Variants in SRC observed in about 807,000 individuals in gnomAD.
SRC encodes proto-oncogene tyrosine-protein kinase Src.
A neutral mutation model predicts 62.9 loss-of-function variants in SRC; 13 were observed. That is an observed-to-expected ratio of 0.21 (90% CI 0.13 to 0.33). SRC has a LOEUF of 0.33. Among genes scored for constraint, SRC ranks in the 10% least tolerant of loss-of-function variants. SRC has a pLI of 1.00. For missense variants in SRC, 457 were observed against 737.3 expected (o/e 0.62, Z 4.40); for synonymous variants, 302 against 317.5 (o/e 0.95, Z 0.52).
intron 1 of SRC, among the ~76,000 whole-genome samples, chr20:37,362,572 G>A (rs1473986039): frequency 6.6e-6 from 1 of 152,114 alleles, no homozygotes; most frequent in African/African-American, 2.4e-5. Flanking sequence ...ACCAAGGCCC[G>A]GCAGCCCCCT....
chr20:37,379,181 C>T lies in SRC; in HGVS notation c.-172-3438C>T, dbSNP rs140401193. 3.7e-4 allele frequency among the ~76,000 whole-genome samples: 56 copies of T among 152,182 alleles called. No homozygotes were observed. The East Asian group carries it at 0.011, about 30-fold the overall frequency. ...CCCCTGTCTGCTGAGGAGTCCAGAG[C>T]CCACGGTGAGGAGTGGCTTCCCGAA... On this transcript the variant is annotated intron_variant, in intron 2 of 13. Coordinates refer to ENST00000373578, the MANE Select transcript of SRC (RefSeq NM_198291.3).
In SRC at chr20:37,382,782, A is replaced by C. The variant is rs1377365995; in HGVS notation, c.-9A>C. ...TCCTCTGGGACAGCCCCTGCCTTCT[A>C]CCAGGTGAGATGATGGCCCTATCAG... On this transcript the variant is annotated 5_prime_UTR_variant, in exon 3 of 14. Coordinates refer to ENST00000373578, the MANE Select transcript of SRC (RefSeq NM_198291.3). 4 of 152,074 alleles carry C rather than the reference A, an allele frequency of 2.6e-5. No homozygotes were observed. Among genetic ancestry groups the C allele is most frequent in the Non-Finnish European group, 4.4e-5 (3 of 68,000 alleles). 9.4% of individuals were successfully genotyped at this position (152,074 alleles called of 1,614,324 possible). A position where few individuals can be genotyped will look rare whatever the true frequency, so the allele number is the denominator to read the frequency against.
In SRC at chr20:37,396,321, C is replaced by A; in HGVS notation, c.703+10C>A. ...GTGGCCTACTACTCCAGTGAGCCAGCCTCGGAGGGCGGAGGGCGGGCGGGC... is the reference window on the plus strand; with the variant it reads ...GTGGCCTACTACTCCAGTGAGCCAGACTCGGAGGGCGGAGGGCGGGCGGGC... On this transcript the variant is annotated intron_variant, in intron 8 of 13. Transcript: ENST00000373578. This position sits in a 1 kb window ranked among gnomAD's most constrained non-coding sequence, Gnocchi z 6.1. 6.2e-7 allele frequency: 1 copy of A among 1,612,636 alleles called. No homozygotes were observed. Among genetic ancestry groups the A allele is most frequent in the Non-Finnish European group, 8.5e-7 (1 of 1,179,828 alleles).
In SRC at chr20:37,398,756, C is replaced by T. The variant is rs1022110552; in HGVS notation, c.859+902C>T. 2.6e-5 allele frequency among the ~76,000 whole-genome samples: 4 copies of T among 152,200 alleles called. No homozygotes were observed. The highest frequency in any genetic ancestry group is 5.9e-5 in the Non-Finnish European group (4 of 68,020). The stretch of plus-strand genomic sequence containing the variant: ...GAGCAACACCTGGGTGAATGCACAG[C>T]GTCAGCCATTATGGTGGCTGCAAAA... On this transcript the variant is annotated intron_variant, in intron 9 of 13. Transcript: ENST00000373578. This position sits in a 1 kb window ranked among gnomAD's most constrained non-coding sequence, Gnocchi z 5.2.
At position 37,396,527 on chromosome 20, in the gene SRC, C is replaced by T. The variant is rs2070654734; in HGVS notation, c.703+216C>T. ...CCCCCAGCCCCCCTCCTCCCTGTCC[C>T]CCTCTCTCCCTGCTCCACGCAGTGT... On this transcript the variant is annotated intron_variant, in intron 8 of 13. Coordinates refer to ENST00000373578, the MANE Select transcript of SRC (RefSeq NM_198291.3). This position sits in a 1 kb window ranked among gnomAD's most constrained non-coding sequence, Gnocchi z 6.1. 1.6e-6 allele frequency: 1 copy of T among 631,690 alleles called. No individual in the cohort carries two copies. Among genetic ancestry groups the T allele is most frequent in the Non-Finnish European group, 2.7e-6 (1 of 368,310 alleles). The allele number at this position is 631,690 out of a possible 1,614,324, so 39.1% of individuals were successfully genotyped here.
chr20:37,403,450 C>T lies in SRC; in HGVS notation c.*71C>T. On this transcript the variant is annotated 3_prime_UTR_variant, in exon 14 of 14. Coordinates refer to ENST00000373578, the MANE Select transcript of SRC (RefSeq NM_198291.3). The surrounding 1 kb of genome is among the most constrained non-coding windows in gnomAD (Gnocchi z 7.1). ...GGTGGCCCCTGTCTCGGGGCTTGCC[C>T]CACTCTGCCTGCCTGCTGTTGGTCC... 6.9e-7 allele frequency: 1 copy of T among 1,456,862 alleles called. No individual in the cohort carries two copies. Among genetic ancestry groups the T allele is most frequent in the African/African-American group, 1.4e-5 (1 of 71,220 alleles). The allele number at this position is 1,456,862 out of a possible 1,614,324, so 90.2% of individuals were successfully genotyped here.
intron 2 of SRC, among the ~76,000 whole-genome samples, chr20:37,380,335 G>A (rs1600991557): frequency 6.6e-6 from 1 of 152,072 alleles, no homozygotes; most frequent in African/African-American, 2.4e-5. Context: ...CAGTGTGGTG[G>A]CCCCTTTTCA....
intron 2 of SRC, among the ~76,000 whole-genome samples, chr20:37,376,320 C>T (rs2070277789): frequency 6.6e-6 from 1 of 152,178 alleles, no homozygotes; most frequent in Non-Finnish European, 1.5e-5. Context: ...ATAATAATAG[C>T]CAATTAGATA....
intron 1 of SRC, among the ~76,000 whole-genome samples, chr20:37,363,909 G>A (rs1462833113): frequency 2.6e-5 from 4 of 152,054 alleles, no homozygotes; most frequent in Non-Finnish European, 5.9e-5. Context: ...TGTGATGAGC[G>A]TGGTGCATGG....
intron 2 of SRC, among the ~76,000 whole-genome samples, chr20:37,369,269 ATCT>A (rs2070125044): frequency 6.6e-6 from 1 of 152,202 alleles, no homozygotes; most frequent in East Asian, 1.9e-4. Flanking sequence ...GAGTATTGCC[ATCT>A]TAATAATATT....
intron 2 of SRC, among the ~76,000 whole-genome samples, chr20:37,376,489 C>T (rs190561088): frequency 3.0e-4 from 46 of 152,264 alleles, no homozygotes; most frequent in African/African-American, 1.0e-3. Context: ...ATTCTGGCCC[C>T]GGGCCACCTG....
At position 37,395,753 on chromosome 20, in the gene SRC, G is replaced by T. The variant is rs75187867; in HGVS notation, c.554-409G>T. ...CACAGCCACAGGGAGCCACTCACAG[G>T]CTCCCAGCAGTTATTGAGTGCCCAG... On this transcript the variant is annotated intron_variant, in intron 7 of 13. Transcript: ENST00000373578. Among the ~76,000 whole-genome samples the T allele has an allele frequency of 7.6e-3, 1,161 of 152,350 alleles. 24 individuals carry two copies. The highest frequency in any genetic ancestry group is 0.027 in the African/African-American group (1,123 of 41,578).
chr20:37,365,569 A>G (rs756068730), intron 2 of SRC, among the ~76,000 whole-genome samples: 1 of 152,126 alleles, frequency 6.6e-6, no homozygotes, highest in Non-Finnish European at 1.5e-5. Context: ...ACTTGACTCA[A>G]TATTACATAT....
At chr20:37,376,736 C>G (rs1411036831) in intron 2 of SRC, among the ~76,000 whole-genome samples, 1 of 152,214 alleles carries the variant, frequency 6.6e-6, no homozygotes, top group Non-Finnish European at 1.5e-5. Context: ...CTCCTGACCT[C>G]AGGTGATCCA....
At chr20:37,370,403 T>A (rs1249753625) in intron 2 of SRC, among the ~76,000 whole-genome samples, 1 of 152,082 alleles carries the variant, frequency 6.6e-6, no homozygotes, top group Non-Finnish European at 1.5e-5. Flanking sequence ...GGCGAAACCT[T>A]GTTTCTACTA....
intron 2 of SRC, among the ~76,000 whole-genome samples, chr20:37,381,459 C>T (rs185974888): frequency 6.6e-6 from 1 of 152,302 alleles, no homozygotes; most frequent in East Asian, 1.9e-4. Context: ...CACTCCTCAA[C>T]ATTTATTTTA....
intron 2 of SRC, among the ~76,000 whole-genome samples, chr20:37,369,485 T>G (rs1296554802): frequency 6.6e-6 from 1 of 152,250 alleles, no homozygotes; most frequent in South Asian, 2.1e-4. Flanking sequence ...GTATTGATTT[T>G]GTACTTTACA....
At position 37,384,395 on chromosome 20, in the gene SRC, C is replaced by A. The variant is rs1280055104; in HGVS notation, c.242C>A (p.Pro81Gln). The A allele has an allele frequency of 4.9e-6, 7 of 1,424,408 alleles. No homozygotes were observed. The Admixed American group carries it at 1.6e-4, about 32-fold the overall frequency. The allele number at this position is 1,424,408 out of a possible 1,614,324, so 88.2% of individuals were successfully genotyped here. Reference sequence around the variant, plus strand: ...GTCACCTCCCCGCAGAGGGCGGGCCCGCTGGCCGGTCAGTGCGCGGGCGGC... The same window carrying A: ...GTCACCTCCCCGCAGAGGGCGGGCCAGCTGGCCGGTCAGTGCGCGGGCGGC... Reference protein sequence around the residue: ...DTVTSPQRAGPLAGGVTTFVA... With the variant: ...DTVTSPQRAGQLAGGVTTFVA... The change falls in exon 4 of 14, where the codon CCG (proline) becomes CAG (glutamine). Residue 81 changes from proline to glutamine, a missense_variant. By Grantham distance (76) the Pro-to-Gln change is moderately conservative. Coordinates refer to ENST00000373578, the MANE Select transcript of SRC (RefSeq NM_198291.3). This position sits in a 1 kb window ranked among gnomAD's most constrained non-coding sequence, Gnocchi z 6.7.
At chr20:37,373,337 T>TAC (rs201998486) in intron 2 of SRC, among the ~76,000 whole-genome samples, 5 of 151,308 alleles carry the variant, frequency 3.3e-5, no homozygotes, top group Admixed American at 2.0e-4. Flanking sequence ...TACACACATG[T>TAC]ACACACACAT....
Sources: allele counts gnomAD v4.1 joint callset (sites outside exome capture counted in the v4.1 genomes callset), GRCh38; gene constraint gnomAD v4.1.1; non-coding constraint Gnocchi (gnomAD v3.1); transcripts MANE v1.5; gene names NCBI Gene and HGNC (gene_info 2026-07-23, HGNC 2026-07-21).